NCOA6: variants seen among roughly 807,000 people sequenced by gnomAD.
NCOA6 encodes NRC RAP250.
A neutral mutation model predicts 171.4 loss-of-function variants in NCOA6; 49 were observed. That is an observed-to-expected ratio of 0.29 (90% CI 0.23 to 0.36). The LOEUF (loss-of-function observed/expected upper bound fraction) is 0.36. Ranked by LOEUF, NCOA6 falls within the 10% of genes least tolerant of loss-of-function variation. NCOA6 has a pLI of 1.00. For synonymous variants in NCOA6, 910 were observed against 927.5 expected, an observed-to-expected ratio of 0.98 and a Z score of 0.34; for missense variants, 2,248 against 2,554.5, an observed-to-expected ratio of 0.88 and a Z score of 2.59.
chr20:34,741,450 A>C lies in NCOA6; in HGVS notation c.4806T>G (p.Thr1602=). The part of the protein sequence containing the change: ...LPPNQITVFV[T]SNPITTSANT... ...TAGCTGAAGTTGTGATGGGATTGGA[A>C]GTGACAAATACAGTTATTTGATTTG... Residue 1602 remains threonine (T), a synonymous_variant, in exon 11 of 15, where the codon ACT becomes ACG. Transcript: ENST00000359003. 1 of 1,614,200 alleles carries C rather than the reference A, an allele frequency of 6.2e-7. No homozygotes were observed. Among genetic ancestry groups the C allele is most frequent in the East Asian group, 2.2e-5 (1 of 44,886 alleles).
intron 13 of NCOA6, among the ~76,000 whole-genome samples, 159 bp downstream of exon 13, chr20:34,732,400 G>A (rs1334939801): frequency 6.6e-6 from 1 of 152,142 alleles, no homozygotes; most frequent in Non-Finnish European, 1.5e-5. Context: ...TGAGGGATTA[G>A]GACTCATGAC....
chr20:34,802,836 C>T (rs112103760), intron 1 of NCOA6, among the ~76,000 whole-genome samples: 1 of 152,092 alleles, frequency 6.6e-6, no homozygotes, highest in Non-Finnish European at 1.5e-5. Context: ...TTTTTTGAGT[C>T]AGGGTCTCAC....
At chr20:34,776,232 A>C (rs1037158381) in intron 4 of NCOA6, 61 bp downstream of exon 4, 7 of 1,548,274 alleles carry the variant, frequency 4.5e-6, no homozygotes, top group Non-Finnish European at 5.3e-6. Context: ...ACAGAAAATC[A>C]TGCTATATTC....
chr20:34,766,152 A>C (rs960563504), intron 5 of NCOA6, among the ~76,000 whole-genome samples: 1 of 152,214 alleles, frequency 6.6e-6, no homozygotes, highest in Non-Finnish European at 1.5e-5. Context: ...GTAAAGAGAG[A>C]TATCTTGGGG....
Position 34,776,713 on chromosome 20 carries a change from T to C in NCOA6, c.236-265A>G, listed in dbSNP as rs2077334420. 3 of 572,884 alleles carry C rather than the reference T, an allele frequency of 5.2e-6. No homozygotes were observed. The African/African-American group carries it at 5.6e-5, about 11-fold the overall frequency. 35.5% of individuals were successfully genotyped at this position (572,884 alleles called of 1,614,324 possible). ...TATGAAAAAACTACTTCATATGATT[T>C]TTGGGTACAAATTAGATAATATATG... On this transcript the variant is annotated intron_variant, in intron 3 of 14. Coordinates refer to ENST00000359003, the MANE Select transcript of NCOA6 (RefSeq NM_014071.5).
At chr20:34,808,225 CT>C (rs376246420) in intron 1 of NCOA6, among the ~76,000 whole-genome samples, 160 of 152,152 alleles carry the variant, frequency 1.1e-3, no homozygotes, top group Non-Finnish European at 1.9e-3. Flanking sequence ...TCAAACGGTC[CT>C]CCTGCCCTAC....
At chr20:34,808,738 T>C (rs1335622502) in intron 1 of NCOA6, among the ~76,000 whole-genome samples, 1 of 152,164 alleles carries the variant, frequency 6.6e-6, no homozygotes, top group African/African-American at 2.4e-5. Context: ...GTGCCCAGCC[T>C]TGTCTGCACT....
Position 34,742,702 on chromosome 20 carries a change from G to A in NCOA6, c.3554C>T (p.Pro1185Leu). 6.2e-7 allele frequency: 1 copy of A among 1,614,190 alleles called. No homozygotes were observed. Among genetic ancestry groups the A allele is most frequent in the Non-Finnish European group, 8.5e-7 (1 of 1,180,032 alleles). The change falls in exon 11 of 15, where the codon CCT becomes CTT. Residue 1185 changes from proline (P) to leucine (L), a missense_variant. Coordinates refer to ENST00000359003, the MANE Select transcript of NCOA6 (RefSeq NM_014071.5). ...ATQGATPQQP[P>L]VNSLPSSHGH... ...GTGAGAGCTGGGCAGGGAATTTACAGGGGGTTGCTGGGGAGTTGCACCTTG... is the reference window on the plus strand; with the variant it reads ...GTGAGAGCTGGGCAGGGAATTTACAAGGGGTTGCTGGGGAGTTGCACCTTG...
chr20:34,802,213 T>A (rs1162629229), intron 1 of NCOA6, among the ~76,000 whole-genome samples: 1 of 152,216 alleles, frequency 6.6e-6, no homozygotes, highest in Non-Finnish European at 1.5e-5. Flanking sequence ...ACGCCTATAA[T>A]CCCAGTACTT....
In NCOA6 at chr20:34,741,374, C is replaced by T; in HGVS notation, c.4882G>A (p.Val1628Ile). 1 of 1,614,232 alleles carries T rather than the reference C, an allele frequency of 6.2e-7. No individual in the cohort carries two copies. Among genetic ancestry groups the T allele is most frequent in the Non-Finnish European group, 8.5e-7 (1 of 1,180,042 alleles). The stretch of plus-strand genomic sequence containing the variant: ...CTACCCGCATTGGGCATTGTGACAA[C>T]TGTTGACATCAATGCAGACTGCAAG... Reference protein sequence around the residue: ...THLQSALMSTVVTMPNAGSKV... With the variant: ...THLQSALMSTIVTMPNAGSKV... The change falls in exon 11 of 15, where the codon GTT becomes ATT. Residue 1628 changes from valine to isoleucine, a missense_variant. Physicochemically the swap from Val to Ile is conservative, Grantham distance 29 (BLOSUM62 3). Transcript: ENST00000359003.
intron 14 of NCOA6, among the ~76,000 whole-genome samples, chr20:34,726,571 G>A (rs1413536799): frequency 6.6e-6 from 1 of 152,140 alleles, no homozygotes; most frequent in Non-Finnish European, 1.5e-5. Context: ...GATCACTTGA[G>A]GTTAGGAGTT....
intron 1 of NCOA6, among the ~76,000 whole-genome samples, chr20:34,812,324 T>C (rs1415626301): frequency 2.0e-5 from 3 of 151,766 alleles, no homozygotes; most frequent in East Asian, 3.9e-4. Flanking sequence ...AAGGGAAAAT[T>C]TGTGCAGCTC....
At position 34,740,749 on chromosome 20, in the gene NCOA6, G is replaced by A; in HGVS notation, c.5507C>T (p.Thr1836Ile). The A allele has an allele frequency of 1.9e-6, 3 of 1,614,232 alleles. No individual in the cohort carries two copies. Among genetic ancestry groups the A allele is most frequent in the Non-Finnish European group, 2.5e-6 (3 of 1,180,036 alleles). ...TTCTTCCCCTTTCTCAAGAGAGCCTGTAACTTTCTTACATGCCTTGGTCAA... is the reference window on the plus strand; with the variant it reads ...TTCTTCCCCTTTCTCAAGAGAGCCTATAACTTTCTTACATGCCTTGGTCAA... ...ILLTKACKKV[T>I]GSLEKGEEQY... is the part of the protein sequence containing the mutation. The change falls in exon 11 of 15, where the codon ACA (threonine) becomes ATA (isoleucine). Residue 1836 changes from threonine (T) to isoleucine (I), a missense_variant. Around this residue, in one of 7 missense-constraint regions of NCOA6, gnomAD observed 884 missense variants for 941.9 expected, o/e 0.94. Transcript: ENST00000359003.
chr20:34,727,993 G>A lies in NCOA6; in HGVS notation c.6000-586C>T, dbSNP rs549771581. On this transcript the variant is annotated intron_variant, in intron 13 of 14. Transcript: ENST00000359003. ...ACCCACCTCGGCCTCCCAAAGTGCTGGGATTACAGGCGTGAGCCATTGCAC... is the reference window on the plus strand; with the variant it reads ...ACCCACCTCGGCCTCCCAAAGTGCTAGGATTACAGGCGTGAGCCATTGCAC... 4.6e-5 allele frequency among the ~76,000 whole-genome samples: 7 copies of A among 151,982 alleles called. No individual in the cohort carries two copies. In the East Asian group the frequency reaches 1.4e-3, roughly 29 times the overall value.
chr20:34,732,462 G>T, intron 13 of NCOA6, 97 bp downstream of exon 13: 1 of 1,195,984 alleles, frequency 8.4e-7, no homozygotes, highest in South Asian at 1.4e-5. Flanking sequence ...GAAGGAAAAG[G>T]ACAAGGTGAA....
chr20:34,804,793 GT>G (rs2078389551), intron 1 of NCOA6, among the ~76,000 whole-genome samples: 1 of 152,002 alleles, frequency 6.6e-6, no homozygotes, highest in Non-Finnish European at 1.5e-5. Flanking sequence ...TCAAATCAGA[GT>G]AATTAATTAG....
Position 34,740,893 on chromosome 20 carries a change from T to G in NCOA6, c.5363A>C (p.Gln1788Pro), listed in dbSNP as rs1211370701. ...SADQNTLPSS[Q>P]STTMVSPLLT... The stretch of plus-strand genomic sequence containing the variant: ...AAGGGGAGAAACCATTGTGGTTGAC[T>G]GTGAAGAGGGAAGAGTGTTCTGATC... The change falls in exon 11 of 15, where the codon CAG (glutamine) becomes CCG (proline). Residue 1788 changes from glutamine (Q) to proline (P), a missense_variant. By Grantham distance (76) the Gln-to-Pro change is moderately conservative. Around this residue, in one of 7 missense-constraint regions of NCOA6, gnomAD observed 884 missense variants for 941.9 expected, o/e 0.94. Transcript: ENST00000359003. 1 of 1,614,242 alleles carries G rather than the reference T, an allele frequency of 6.2e-7. No homozygotes were observed. Among genetic ancestry groups the G allele is most frequent in the Admixed American group, 1.7e-5 (1 of 60,028 alleles).
intron 1 of NCOA6, among the ~76,000 whole-genome samples, chr20:34,804,464 A>C (rs1448416184): frequency 1.3e-5 from 2 of 150,708 alleles, no homozygotes; most frequent in African/African-American, 4.9e-5. Flanking sequence ...CCATGACTGC[A>C]TCACTGTACT....
chr20:34,813,318 T>A (rs187597522), intron 1 of NCOA6, among the ~76,000 whole-genome samples: 8 of 151,566 alleles, frequency 5.3e-5, no homozygotes, highest in African/African-American at 1.9e-4. Context: ...ATATAAAAAT[T>A]AGCCAGGCAT....
Sources: gnomAD v4.1 joint callset for allele counts (sites outside exome capture counted in the v4.1 genomes callset) on GRCh38, gnomAD v4.1.1 for gene constraint, gnomAD v4.1.1 regional missense constraint, MANE v1.5 for transcripts, NCBI Gene and HGNC (gene_info 2026-07-23, HGNC 2026-07-21) for gene names.